Variants in LSAMP observed in about 807,000 individuals in gnomAD.
LSAMP encodes the protein limbic system associated membrane protein.
LSAMP carries 7 observed loss-of-function variants against 38.6 expected under a neutral mutation model. The ratio of observed to expected loss-of-function variants is 0.18; its 90% CI spans 0.10 to 0.34. The LOEUF is 0.34. Ranked by LOEUF, LSAMP falls within the 10% of genes least tolerant of loss-of-function variation. LSAMP has a pLI of 1.00. For missense variants in LSAMP, 313 were observed against 420.0 expected, an observed-to-expected ratio of 0.75 and a Z score of 2.23; for synonymous variants, 154 against 166.8, an observed-to-expected ratio of 0.92 and a Z score of 0.59.
At chr3:116,270,789 C>G (rs1315111702) in intron 1 of LSAMP, among the ~76,000 whole-genome samples, 1 of 151,986 alleles carries the variant, frequency 6.6e-6, no homozygotes, top group Non-Finnish European at 1.5e-5. Context: ...CAAAGTAAAC[C>G]CAGGTTCTGC....
chr3:116,029,414 G>A (rs1940867675), intron 2 of LSAMP, among the ~76,000 whole-genome samples: 1 of 152,034 alleles, frequency 6.6e-6, no homozygotes, highest in African/African-American at 2.4e-5. Flanking sequence ...GTGAAGCTGA[G>A]GGTAGAAAAA....
chr3:116,373,701 G>T lies in LSAMP; in HGVS notation c.155+71176C>A, dbSNP rs200047092. ...GCCCTTGATATGTTTTGGAAATTTT[G>T]AAGAAGACTCTGAATGTCTTTGAAT... On this transcript the variant is annotated intron_variant, in intron 1 of 6. Coordinates refer to ENST00000490035, the MANE Select transcript of LSAMP (RefSeq NM_002338.5). 7.9e-5 allele frequency among the ~76,000 whole-genome samples: 12 copies of T among 151,934 alleles called. No homozygotes were observed. The East Asian group carries it at 2.1e-3, about 27-fold the overall frequency.
intron 2 of LSAMP, among the ~76,000 whole-genome samples, chr3:116,044,962 A>G (rs1389120308): frequency 6.6e-6 from 1 of 152,176 alleles, no homozygotes; most frequent in Non-Finnish European, 1.5e-5. Context: ...ACAAAAAACA[A>G]AAAAACCCAG....
intron 1 of LSAMP, among the ~76,000 whole-genome samples, chr3:116,097,269 G>A (rs1708245150): frequency 6.6e-6 from 1 of 152,148 alleles, no homozygotes; most frequent in Admixed American, 6.6e-5. Context: ...TCTCATTCCA[G>A]CAGTAGGGAG....
At chr3:116,235,533 T>C (rs1168991911) in intron 1 of LSAMP, among the ~76,000 whole-genome samples, 1 of 152,190 alleles carries the variant, frequency 6.6e-6, no homozygotes, top group Non-Finnish European at 1.5e-5. Context: ...TACGATGCTC[T>C]AAGTGTTAAA....
chr3:116,086,330 C>T lies in LSAMP; in HGVS notation c.382G>A (p.Val128Ile), dbSNP rs779534072. The T allele has an allele frequency of 2.5e-5, 40 of 1,613,544 alleles. No homozygotes were observed. The highest frequency in any genetic ancestry group is 4.5e-5 in the East Asian group (2 of 44,898). ...TATCCCACACTTTCCTTACCTTGTA[C>T]GATCAAGTAAACTTGGGAGGTCTTG... ...EPKTSQVYLI[V>I]QVPPKISNIS... The change falls in exon 2 of 7, where the codon GTA (valine) becomes ATA (isoleucine). Residue 128 changes from valine (V) to isoleucine (I), a missense_variant. Transcript: ENST00000490035.
rs892785828 is a variant in LSAMP at position 116,258,045 on chromosome 3, T to A, written c.156-171489A>T. ...GTAAAATAGGAGGAATTAAAACTGA[T>A]CCTCATTGATCTTAGCTTGTCACCC... On this transcript the variant is annotated intron_variant, in intron 1 of 6. Coordinates refer to ENST00000490035, the MANE Select transcript of LSAMP (RefSeq NM_002338.5). Among the ~76,000 whole-genome samples, 3 of 152,090 alleles carry A rather than the reference T, an allele frequency of 2.0e-5. No individual in the cohort carries two copies. In the East Asian group the frequency reaches 5.8e-4, roughly 29 times the overall value.
At chr3:116,406,049 C>A (rs775590171) in intron 1 of LSAMP, among the ~76,000 whole-genome samples, 1 of 152,068 alleles carries the variant, frequency 6.6e-6, no homozygotes, top group African/African-American at 2.4e-5. Flanking sequence ...TTTTGCATAG[C>A]AGTTACATTT....
intron 1 of LSAMP, among the ~76,000 whole-genome samples, chr3:116,167,980 G>C (rs1300172511): frequency 1.3e-5 from 2 of 152,142 alleles, no homozygotes; most frequent in Admixed American, 1.3e-4. Context: ...AGGGGCCCAT[G>C]GAAGAGTAGA....
At chr3:116,187,832 GT>G (rs1432521468) in intron 1 of LSAMP, among the ~76,000 whole-genome samples, 16 of 151,940 alleles carry the variant, frequency 1.1e-4, no homozygotes, top group Non-Finnish European at 2.2e-4. Flanking sequence ...ACATGTGCAG[GT>G]TTGTTACATA....
chr3:116,191,216 C>G (rs1035958494), intron 1 of LSAMP, among the ~76,000 whole-genome samples: 13 of 152,154 alleles, frequency 8.5e-5, no homozygotes, highest in Admixed American at 8.5e-4. Flanking sequence ...GTGCAAGACT[C>G]TGTCTCAAAA....
intron 6 of LSAMP, among the ~76,000 whole-genome samples, chr3:115,810,712 G>A (rs1933797826): frequency 6.6e-6 from 1 of 152,188 alleles, no homozygotes; most frequent in South Asian, 2.1e-4. Flanking sequence ...GCAGGCTCCT[G>A]TTCACCCAGC....
intron 4 of LSAMP, among the ~76,000 whole-genome samples, chr3:115,843,185 G>T (rs769993263): frequency 3.3e-5 from 5 of 152,176 alleles, no homozygotes; most frequent in African/African-American, 4.8e-5. Flanking sequence ...TAGCTTTTAT[G>T]TGTGGGGGTA....
intron 1 of LSAMP, among the ~76,000 whole-genome samples, chr3:116,381,342 T>G (rs1198208244): frequency 6.6e-6 from 1 of 152,148 alleles, no homozygotes; most frequent in Non-Finnish European, 1.5e-5. Flanking sequence ...TATTATAATG[T>G]ACATGAAAGA....
chr3:116,373,519 C>A (rs577022276), intron 1 of LSAMP, among the ~76,000 whole-genome samples: 1 of 151,608 alleles, frequency 6.6e-6, no homozygotes, highest in South Asian at 2.1e-4. Context: ...GGTTGCACAG[C>A]AATATAAATG....
chr3:116,016,598 A>G (rs1940490762), intron 3 of LSAMP, among the ~76,000 whole-genome samples: 1 of 152,172 alleles, frequency 6.6e-6, no homozygotes, highest in South Asian at 2.1e-4. Context: ...TTCCCTGTAA[A>G]GGGCCTAATA....
At chr3:116,341,575 G>C (rs745576575) in intron 1 of LSAMP, among the ~76,000 whole-genome samples, 2 of 152,004 alleles carry the variant, frequency 1.3e-5, no homozygotes, top group Admixed American at 6.6e-5. Context: ...CTTGAGCAAA[G>C]TAATTCAATG....
At chr3:116,215,809 G>A (rs2046212582) in intron 1 of LSAMP, among the ~76,000 whole-genome samples, 1 of 152,176 alleles carries the variant, frequency 6.6e-6, no homozygotes, top group Non-Finnish European at 1.5e-5. Flanking sequence ...TAAGGGAGTT[G>A]ATTAAAGCAA....
chr3:115,935,621 C>T (rs1937674640), intron 3 of LSAMP, among the ~76,000 whole-genome samples: 1 of 152,120 alleles, frequency 6.6e-6, no homozygotes, highest in South Asian at 2.1e-4. Flanking sequence ...TAGCCACTGC[C>T]TTATTTCTTT....
Sources: allele counts gnomAD v4.1 joint callset (sites outside exome capture counted in the v4.1 genomes callset), GRCh38; gene constraint gnomAD v4.1.1; transcripts MANE v1.5; gene names NCBI Gene and HGNC (gene_info 2026-07-23, HGNC 2026-07-21).